The following VPS13C variants were observed in gnomAD, a reference collection of about 807,000 sequenced individuals.
VPS13C encodes intermembrane lipid transfer protein VPS13C.
Under a neutral mutation model 456.8 loss-of-function variants are expected in VPS13C, and 358 were observed. That is an observed-to-expected ratio of 0.78 (90% CI 0.72 to 0.86). VPS13C has a LOEUF of 0.86. Ranked by LOEUF, VPS13C falls within the 40% of genes least tolerant of loss-of-function variation. The probability of loss-of-function intolerance (pLI) is 0.00; values close to 1 mark genes in which losing one functional copy is unlikely to be tolerated. For missense variants in VPS13C, 4,818 were observed against 4,385.4 expected (o/e 1.10, Z -2.79); for synonymous variants, 1,578 against 1,486.7 (o/e 1.06, Z -1.41).
chr15:61,893,842 T>TAA (rs2042724147), intron 66 of VPS13C, among the ~76,000 whole-genome samples: 1 of 152,070 alleles, frequency 6.6e-6, no homozygotes, highest in Non-Finnish European at 1.5e-5. Flanking sequence ...AAATAATGTA[T>TAA]TGTGTCTATA....
chr15:61,915,570 G>A (rs1471981748), intron 61 of VPS13C, 63 bp downstream of exon 61: 14 of 1,470,308 alleles, frequency 9.5e-6, no homozygotes, highest in African/African-American at 1.4e-5. Flanking sequence ...GAAGACAAAT[G>A]ACTCCCAAGT....
At chr15:61,921,768 A>G (rs572042810) in intron 55 of VPS13C, among the ~76,000 whole-genome samples, 179 bp downstream of exon 55, 3 of 152,194 alleles carry the variant, frequency 2.0e-5, no homozygotes, top group Non-Finnish European at 4.4e-5. Flanking sequence ...AAACTCCACT[A>G]TACACTCGTG....
chr15:61,961,915 A>C (rs2045221710), intron 34 of VPS13C, 22 bp from the exon 35 acceptor site: 1 of 1,588,566 alleles, frequency 6.3e-7, no homozygotes, highest in Non-Finnish European at 8.5e-7. Context: ...AAGCATAAAA[A>C]GAGAAATTCA....
At chr15:61,983,729 A>C (rs2045953115) in intron 20 of VPS13C, 91 bp downstream of exon 20, 2 of 1,333,316 alleles carry the variant, frequency 1.5e-6, no homozygotes, top group Non-Finnish European at 1.0e-6. Context: ...TAAGTAAATA[A>C]ATGTTAAATA....
intron 15 of VPS13C, among the ~76,000 whole-genome samples, chr15:62,002,739 G>C (rs1449370878): frequency 1.3e-5 from 2 of 152,102 alleles, no homozygotes; most frequent in Admixed American, 6.5e-5. Context: ...TCTACATATG[G>C]CTAGACAGTT....
At chr15:61,899,357 C>G (rs2042926991) in intron 66 of VPS13C, among the ~76,000 whole-genome samples, 1 of 144,432 alleles carries the variant, frequency 6.9e-6, no homozygotes, top group African/African-American at 2.6e-5. Context: ...AGACTGCTAG[C>G]AAGACTAATA....
In VPS13C at chr15:61,949,470, C is replaced by T; in HGVS notation, c.4732G>A (p.Glu1578Lys). 5 of 1,613,452 alleles carry T rather than the reference C, an allele frequency of 3.1e-6. No individual in the cohort carries two copies. Among genetic ancestry groups the T allele is most frequent in the Non-Finnish European group, 4.2e-6 (5 of 1,179,824 alleles). ...KESELKPLVG[E>K]SRSIAVKAVS... ...GCTTTGACAGCGATACTTCTGGACT[C>T]CCCCACAAGTGGTTTCAGCTCGGAT... Residue 1578 changes from glutamate (E) to lysine (K), a missense_variant, in exon 42 of 85, where the codon GAG becomes AAG. Transcript: ENST00000644861.
intron 2 of VPS13C, among the ~76,000 whole-genome samples, chr15:62,042,053 A>G (rs72749762): frequency 0.013 from 1,962 of 152,294 alleles, 15 homozygotes; most frequent in Middle Eastern, 0.041. Flanking sequence ...TGCATAAATT[A>G]GTTGAAAACA....
In VPS13C at chr15:62,060,360, C is replaced by A; in HGVS notation, c.15G>T (p.Ser5=). 1 of 1,598,006 alleles carries A rather than the reference C, an allele frequency of 6.3e-7. No homozygotes were observed. Among genetic ancestry groups the A allele is most frequent in the Non-Finnish European group, 8.5e-7 (1 of 1,171,190 alleles). MVLE[S]VVADLLNRFL... Reference sequence around the variant, plus strand: ...AGCGGTTCAGCAAGTCCGCGACCACCGACTCCAGCACCATGGTGGCGCTGA... The same window carrying A: ...AGCGGTTCAGCAAGTCCGCGACCACAGACTCCAGCACCATGGTGGCGCTGA... Residue 5 remains serine (S), a synonymous_variant, in exon 1 of 85, where the codon TCG becomes TCT. Transcript: ENST00000644861.
intron 14 of VPS13C, among the ~76,000 whole-genome samples, chr15:62,007,766 A>G (rs1227476969): frequency 6.6e-6 from 1 of 152,196 alleles, no homozygotes; most frequent in Admixed American, 6.5e-5. Flanking sequence ...TGGATGACTG[A>G]TAAGCGATAA....
At chr15:61,914,219 C>T (rs1244803700) in intron 61 of VPS13C, among the ~76,000 whole-genome samples, 1 of 152,064 alleles carries the variant, frequency 6.6e-6, no homozygotes, top group Non-Finnish European at 1.5e-5. Flanking sequence ...ATTCTCAAAC[C>T]ATACCCAGAC....
At chr15:61,974,709 C>A (rs1222067081) in intron 24 of VPS13C, among the ~76,000 whole-genome samples, 1 of 152,164 alleles carries the variant, frequency 6.6e-6, no homozygotes. Flanking sequence ...CAAAACACTA[C>A]TTCCTGGTAT....
In VPS13C at chr15:61,917,593, C is replaced by T. The variant is rs2140168201; in HGVS notation, c.7803G>A (p.Gln2601=). The change falls in exon 60 of 85, where the codon CAG becomes CAA. Residue 2601 remains glutamine (Q), a synonymous_variant. Transcript: ENST00000644861. ...FIQPAGILEH[Q]YKESTTYISW... ...AAATATAAGTGGTAGATTCTTTGTA[C>T]TGATGCTCTAAGATTCCAGCTGGCT... 2 of 1,613,612 alleles carry T rather than the reference C, an allele frequency of 1.2e-6. No individual in the cohort carries two copies. Among genetic ancestry groups the T allele is most frequent in the Non-Finnish European group, 1.7e-6 (2 of 1,179,586 alleles).
intron 38 of VPS13C, among the ~76,000 whole-genome samples, chr15:61,952,206 C>G (rs1407988344): frequency 6.6e-6 from 1 of 152,194 alleles, no homozygotes; most frequent in African/African-American, 2.4e-5. Flanking sequence ...TTTTACACCA[C>G]TCCTAAGGCA....
chr15:61,991,638 A>T, intron 17 of VPS13C, 35 bp downstream of exon 17: 1 of 1,595,256 alleles, frequency 6.3e-7, no homozygotes, highest in Non-Finnish European at 8.5e-7. Flanking sequence ...TTTTAACTTA[A>T]CACTGTACAA....
chr15:61,934,028 C>T (rs1172966729), intron 49 of VPS13C, among the ~76,000 whole-genome samples, 191 bp downstream of exon 49: 1 of 151,946 alleles, frequency 6.6e-6, no homozygotes, highest in African/African-American at 2.4e-5. Flanking sequence ...TTGCCTTAGC[C>T]TTGGAAGATT....
chr15:61,876,992 A>G lies in VPS13C; in HGVS notation c.10205T>C (p.Val3402Ala). ...YKRDQLIWSV[V>A]RHYSEQFLKQ... ...AATTACCTGTTCACTGTAATGCCTAACAACACTCCATATAAGCTGATCTCT... is the reference window on the plus strand; with the variant it reads ...AATTACCTGTTCACTGTAATGCCTAGCAACACTCCATATAAGCTGATCTCT... Residue 3402 changes from valine to alanine, a missense_variant, in exon 75 of 85, where the codon GTT becomes GCT. Coordinates refer to ENST00000644861, the MANE Select transcript of VPS13C (RefSeq NM_020821.3). 5 of 1,609,006 alleles carry G rather than the reference A, an allele frequency of 3.1e-6. No homozygotes were observed. The South Asian group carries it at 5.5e-5, about 18-fold the overall frequency.
At chr15:61,953,649 T>G (rs977344107) in intron 38 of VPS13C, among the ~76,000 whole-genome samples, 1 of 152,084 alleles carries the variant, frequency 6.6e-6, no homozygotes, top group Non-Finnish European at 1.5e-5. Flanking sequence ...TGTTGGACAT[T>G]TGGGTTGGTT....
chr15:62,059,555 G>C (rs1026768007), intron 1 of VPS13C, among the ~76,000 whole-genome samples: 3 of 152,190 alleles, frequency 2.0e-5, no homozygotes, highest in African/African-American at 4.8e-5. Flanking sequence ...ATAAATTCCT[G>C]AGCATGCAAC....
Sources: gnomAD v4.1 joint callset for allele counts (sites outside exome capture counted in the v4.1 genomes callset) on GRCh38, gnomAD v4.1.1 for gene constraint, MANE v1.5 for transcripts, NCBI Gene and HGNC (gene_info 2026-07-23, HGNC 2026-07-21) for gene names.